SCFD2: variants seen among roughly 807,000 people sequenced by gnomAD.
The protein encoded by SCFD2 is sec1 family domain-containing protein 2.
In SCFD2, 54 loss-of-function variants were observed where a neutral mutation model predicts 58.9. The ratio of observed to expected loss-of-function variants is 0.92; its 90% CI spans 0.74 to 1.15. The LOEUF is 1.15. Ranked by LOEUF, SCFD2 falls within the 50% of genes most tolerant of loss-of-function variation. The pLI, the probability that SCFD2 is intolerant of heterozygous loss-of-function variation, is 0.00. For missense variants in SCFD2, 805 were observed against 836.6 expected (o/e 0.96, Z 0.47); for synonymous variants, 321 against 335.9 (o/e 0.96, Z 0.49).
intron 5 of SCFD2, among the ~76,000 whole-genome samples, chr4:53,038,247 C>T (rs889652144): frequency 1.7e-4 from 26 of 152,154 alleles, no homozygotes; most frequent in African/African-American, 6.3e-4. Flanking sequence ...ATTTACTGAG[C>T]TCTTTACTGG....
chr4:53,123,268 C>T (rs1488369343), intron 5 of SCFD2, among the ~76,000 whole-genome samples: 1 of 152,176 alleles, frequency 6.6e-6, no homozygotes, highest in Non-Finnish European at 1.5e-5. Flanking sequence ...TTTGCAAACA[C>T]TTGAACATTA....
intron 4 of SCFD2, among the ~76,000 whole-genome samples, chr4:53,197,747 C>CAAAAAAAAAAA (rs10717880): frequency 1.0e-5 from 1 of 96,612 alleles, no homozygotes; most frequent in Non-Finnish European, 2.1e-5. Context: ...TAGAAGATGG[C>CAAAAAAAAAAA]AAAAAAAAAA....
chr4:53,250,980 A>C (rs183339485), intron 4 of SCFD2, among the ~76,000 whole-genome samples: 2 of 151,930 alleles, frequency 1.3e-5, no homozygotes, highest in Non-Finnish European at 2.9e-5. Flanking sequence ...AAGATCAACA[A>C]ACTTGATAGA....
intron 7 of SCFD2, among the ~76,000 whole-genome samples, chr4:52,898,903 T>A (rs555594975): frequency 1.3e-5 from 2 of 152,344 alleles, no homozygotes; most frequent in East Asian, 3.9e-4. Flanking sequence ...TTTACCACTA[T>A]GTAATGGCCT....
chr4:53,108,367 A>C (rs1725065987), intron 5 of SCFD2, among the ~76,000 whole-genome samples: 2 of 152,126 alleles, frequency 1.3e-5, no homozygotes, highest in South Asian at 4.1e-4. Context: ...AGAAATAACT[A>C]CAGCAGAAGT....
chr4:53,260,874 A>T (rs1395008277), intron 4 of SCFD2, among the ~76,000 whole-genome samples: 1 of 151,778 alleles, frequency 6.6e-6, no homozygotes, highest in Non-Finnish European at 1.5e-5. Flanking sequence ...TTTGTTGGCA[A>T]TTTTTTTATT....
chr4:53,142,286 T>C (rs1285694309), intron 5 of SCFD2, among the ~76,000 whole-genome samples: 1 of 152,362 alleles, frequency 6.6e-6, no homozygotes, highest in South Asian at 2.1e-4. Flanking sequence ...TGTTCAGAAA[T>C]GTGTCTTTTA....
intron 2 of SCFD2, among the ~76,000 whole-genome samples, chr4:53,340,409 G>A (rs1170278871): frequency 1.3e-5 from 2 of 152,214 alleles, no homozygotes; most frequent in African/African-American, 2.4e-5. Context: ...AGCGAGGCTG[G>A]GGAAGGGGTG....
At chr4:53,302,732 G>A (rs1235935207) in intron 3 of SCFD2, among the ~76,000 whole-genome samples, 2 of 152,240 alleles carry the variant, frequency 1.3e-5, no homozygotes, top group East Asian at 3.9e-4. Context: ...AAAACAGCAC[G>A]GTACTGGTAC....
chr4:53,178,890 C>A (rs1376902029), intron 4 of SCFD2, among the ~76,000 whole-genome samples: 4 of 152,046 alleles, frequency 2.6e-5, no homozygotes, highest in African/African-American at 9.7e-5. Context: ...AACTGGAAGA[C>A]AGGGTATCAG....
chr4:52,970,466 G>A lies in SCFD2; in HGVS notation c.1562-49596C>T, dbSNP rs150252287. On this transcript the variant is annotated intron_variant, in intron 5 of 8. Transcript: ENST00000401642. ...AAACTGCAAGGTGGCAGCGAGGCTC[G>A]GGGAGGGGCACCCACCATTGCTGAG... Among the ~76,000 whole-genome samples the A allele has an allele frequency of 6.2e-3, 941 of 152,322 alleles. 6 individuals are homozygous for A. The highest frequency in any genetic ancestry group is 0.018 in the African/African-American group (749 of 41,574).
intron 4 of SCFD2, among the ~76,000 whole-genome samples, chr4:53,252,851 C>G (rs1374908573): frequency 1.3e-5 from 2 of 152,084 alleles, no homozygotes; most frequent in East Asian, 1.9e-4. Context: ...GTCTAAAACA[C>G]CAAAAGCAAT....
At chr4:53,031,209 C>T (rs1183954378) in intron 5 of SCFD2, among the ~76,000 whole-genome samples, 3 of 152,122 alleles carry the variant, frequency 2.0e-5, no homozygotes, top group East Asian at 3.9e-4. Flanking sequence ...GGGAAACTAA[C>T]AAGCAGAAAG....
At chr4:52,926,184 CT>C (rs1174632117) in intron 5 of SCFD2, among the ~76,000 whole-genome samples, 1 of 152,082 alleles carries the variant, frequency 6.6e-6, no homozygotes, top group Admixed American at 6.6e-5. Context: ...CTACCTAGTT[CT>C]CTTCTGTTTG....
chr4:52,959,371 C>A (rs1038911228), intron 5 of SCFD2, among the ~76,000 whole-genome samples: 2 of 152,058 alleles, frequency 1.3e-5, no homozygotes, highest in Admixed American at 6.6e-5. Context: ...GGCTCCATTG[C>A]AAATGTACAA....
chr4:53,158,400 T>A (rs983294610), intron 4 of SCFD2, among the ~76,000 whole-genome samples: 15 of 152,328 alleles, frequency 9.8e-5, no homozygotes, highest in Admixed American at 3.9e-4. Flanking sequence ...ATTCAATGTG[T>A]CTAAAGCTGA....
chr4:52,891,597 A>T (rs1577802264), intron 7 of SCFD2, among the ~76,000 whole-genome samples: 1 of 152,372 alleles, frequency 6.6e-6, no homozygotes, highest in East Asian at 1.9e-4. Flanking sequence ...TCTACCTTTC[A>T]TTCCACATAC....
At chr4:52,965,237 G>GC (rs1015710101) in intron 5 of SCFD2, among the ~76,000 whole-genome samples, 32 of 152,036 alleles carry the variant, frequency 2.1e-4, no homozygotes, top group African/African-American at 3.1e-4. Context: ...GACTATAAAA[G>GC]CCCCCCCGCA....
chr4:53,256,931 G>GGAGGGA (rs1730661339), intron 4 of SCFD2, among the ~76,000 whole-genome samples: 1 of 123,638 alleles, frequency 8.1e-6, no homozygotes, highest in African/African-American at 3.0e-5. Context: ...AGGGGGAGGG[G>GGAGGGA]GAGGGAGAGG....
Sources: gnomAD v4.1 joint callset for allele counts (sites outside exome capture counted in the v4.1 genomes callset) on GRCh38, gnomAD v4.1.1 for gene constraint, MANE v1.5 for transcripts, NCBI Gene and HGNC (gene_info 2026-07-23, HGNC 2026-07-21) for gene names.